Variants in CDC34 observed in about 807,000 individuals in gnomAD.
CDC34 encodes the protein ubiquitin-conjugating enzyme E2 R1.
Under a neutral mutation model 26.8 loss-of-function variants are expected in CDC34, and 18 were observed. The observed-to-expected ratio is 0.67, with a 90% CI of 0.47 to 1.00. The LOEUF (loss-of-function observed/expected upper bound fraction) is 1.00, where lower values mean the gene tolerates loss of function less well. CDC34 is among the 50% of genes least tolerant of loss of function. The pLI is 0.00. For synonymous variants in CDC34, 178 were observed against 147.5 expected, an observed-to-expected ratio of 1.21 and a Z score of -1.50; for missense variants, 280 against 334.5, an observed-to-expected ratio of 0.84 and a Z score of 1.27.
At chr19:536,677 C>T (rs933947112) in intron 3 of CDC34, 20 of 534,768 alleles carry the variant, frequency 3.7e-5, no homozygotes, top group African/African-American at 1.3e-4. Flanking sequence ...CCACGTGTGC[C>T]GCCTGGGCCT....
chr19:535,663 T>A (rs1347773164), intron 1 of CDC34, among the ~76,000 whole-genome samples, 174 bp from the exon 2 acceptor site: 2 of 152,198 alleles, frequency 1.3e-5, no homozygotes, highest in African/African-American at 4.8e-5. Flanking sequence ...TCAGGCAGCC[T>A]TCTGGGGACT....
chr19:535,239 C>G (rs983612527), intron 1 of CDC34, among the ~76,000 whole-genome samples: 1 of 152,220 alleles, frequency 6.6e-6, no homozygotes, highest in Admixed American at 6.5e-5. Flanking sequence ...TGCCAGGTTT[C>G]TGTGACCTAT....
At chr19:537,508 A>G (rs1267396202) in intron 4 of CDC34, among the ~76,000 whole-genome samples, 4 of 151,748 alleles carry the variant, frequency 2.6e-5, no homozygotes, top group African/African-American at 7.3e-5. Context: ...GCCCGTCACC[A>G]CGCCCGGCTA....
At chr19:535,599 G>A (rs1004591415) in intron 1 of CDC34, among the ~76,000 whole-genome samples, 3 of 152,200 alleles carry the variant, frequency 2.0e-5, no homozygotes, top group South Asian at 2.1e-4. Context: ...GCCGGGTCCC[G>A]GCCACCTGGA....
At chr19:534,987 C>T (rs1228480569) in intron 1 of CDC34, among the ~76,000 whole-genome samples, 2 of 152,212 alleles carry the variant, frequency 1.3e-5, no homozygotes, top group Non-Finnish European at 2.9e-5. Flanking sequence ...CCACCAGGAC[C>T]CCTGACCCAG....
intron 1 of CDC34, among the ~76,000 whole-genome samples, chr19:532,797 C>G (rs1179786526): frequency 6.6e-6 from 1 of 152,188 alleles, no homozygotes; most frequent in Admixed American, 6.5e-5. Context: ...TCGGGAAGGC[C>G]GAAGTAGGGG....
chr19:537,384 T>G (rs1173516498), intron 4 of CDC34, among the ~76,000 whole-genome samples: 1 of 151,906 alleles, frequency 6.6e-6, no homozygotes, highest in Non-Finnish European at 1.5e-5. Flanking sequence ...ACAGAGTCTC[T>G]CTCTGTCACC....
At chr19:538,197 G>GT (rs890463526) in intron 4 of CDC34, among the ~76,000 whole-genome samples, 1 of 152,262 alleles carries the variant, frequency 6.6e-6, no homozygotes, top group African/African-American at 2.4e-5. Context: ...GTGACTGACT[G>GT]TTAGTCAGGG....
intron 1 of CDC34, among the ~76,000 whole-genome samples, chr19:532,740 G>A (rs969694653): frequency 1.3e-5 from 2 of 152,226 alleles, no homozygotes; most frequent in Non-Finnish European, 2.9e-5. Context: ...AGTAGCAGCC[G>A]GCCAGGCGCC....
rs1271344912 is a variant in CDC34 at position 541,738 on chromosome 19, A to C, written c.*186A>C. 1 of 546,386 alleles carries C rather than the reference A, an allele frequency of 1.8e-6. No homozygotes were observed. The highest frequency in any genetic ancestry group is 4.1e-5 in the South Asian group (1 of 24,284). 33.8% of individuals were successfully genotyped at this position (546,386 alleles called of 1,614,324 possible). On this transcript the variant is annotated 3_prime_UTR_variant, in exon 5 of 5. Transcript: ENST00000215574. ...TGCTTCAGAGAAGAGGGGCTGCCCCACCGCCACTCACGTCACTCGGGGCTC... is the reference window on the plus strand; with the variant it reads ...TGCTTCAGAGAAGAGGGGCTGCCCCCCCGCCACTCACGTCACTCGGGGCTC...
chr19:537,205 C>T (rs1386670362), intron 4 of CDC34, 58 bp downstream of exon 4: 3 of 1,588,778 alleles, frequency 1.9e-6, no homozygotes, highest in Non-Finnish European at 2.6e-6. Context: ...TGCACCCCGG[C>T]CCCTGGTCCC....
rs201298448 is a variant in CDC34 at position 535,943 on chromosome 19, G to A, written c.264+20G>A. The A allele has an allele frequency of 4.4e-6, 7 of 1,605,724 alleles. No homozygotes were observed. In the Admixed American group the frequency reaches 1.2e-4, roughly 27 times the overall value. On this transcript the variant is annotated intron_variant, in intron 2 of 4. Coordinates refer to ENST00000215574, the MANE Select transcript of CDC34 (RefSeq NM_004359.2). ...TACGAGGTGAGCGCGGCCCCCACGG[G>A]CCTCAAGTCCTCATCCTCCGGGACC...
Position 541,379 on chromosome 19 carries a change from G to T in CDC34, c.538G>T (p.Gly180Cys), listed in dbSNP as rs1293891976. The T allele has an allele frequency of 6.2e-7, 1 of 1,607,754 alleles. No individual in the cohort carries two copies. Residue 180 changes from glycine (G) to cysteine (C), a missense_variant, in exon 5 of 5, where the codon GGC becomes TGC. Coordinates refer to ENST00000215574, the MANE Select transcript of CDC34 (RefSeq NM_004359.2). Reference protein sequence around the residue: ...LGTKVDAERDGVKVPTTLAEY... With the variant: ...LGTKVDAERDCVKVPTTLAEY... The stretch of plus-strand genomic sequence containing the variant: ...GACCAAGGTGGACGCGGAGCGTGAC[G>T]GCGTGAAGGTGCCCACCACGCTGGC...
chr19:533,756 G>A lies in CDC34; in HGVS notation c.177+1648G>A, dbSNP rs564153358. ...CCGGTTTTCCGGATTTCCCAGGGAG[G>A]GGGCCTCTAGACATCTGCCACAGGG... On this transcript the variant is annotated intron_variant, in intron 1 of 4. Coordinates refer to ENST00000215574, the MANE Select transcript of CDC34 (RefSeq NM_004359.2). Among the ~76,000 whole-genome samples the A allele has an allele frequency of 2.0e-5, 3 of 152,340 alleles. No individual in the cohort carries two copies. In the South Asian group the frequency reaches 6.2e-4, roughly 32 times the overall value.
At chr19:534,498 A>C (rs1304230521) in intron 1 of CDC34, among the ~76,000 whole-genome samples, 5 of 84,560 alleles carry the variant, frequency 5.9e-5, no homozygotes, top group Admixed American at 1.3e-4. Flanking sequence ...ACGATCCAAG[A>C]CCCCCTGAGT....
In CDC34 at chr19:537,031, G is replaced by A. The variant is rs752387358; in HGVS notation, c.381G>A (p.Val127=). 1.2e-5 allele frequency: 20 copies of A among 1,613,656 alleles called. No homozygotes were observed. Among genetic ancestry groups the A allele is most frequent in the Non-Finnish European group, 1.5e-5 (18 of 1,179,990 alleles). Residue 127 remains valine (V), a synonymous_variant, in exon 4 of 5, where the codon GTG becomes GTA. Transcript: ENST00000215574. ...TQNVRTILLS[V]ISLLNEPNTF... ...CCCACAGGACCATTCTCCTGAGTGTGATCTCCCTCCTGAACGAGCCCAACA... is the reference window on the plus strand; with the variant it reads ...CCCACAGGACCATTCTCCTGAGTGTAATCTCCCTCCTGAACGAGCCCAACA...
At chr19:536,678 G>A (rs111872830) in intron 3 of CDC34, 170 of 534,548 alleles carry the variant, frequency 3.2e-4, no homozygotes, top group African/African-American at 3.0e-3. Flanking sequence ...CACGTGTGCC[G>A]CCTGGGCCTC....
At chr19:536,209 C>G (rs777997042) in intron 2 of CDC34, 34 bp from the exon 3 acceptor site, 4 of 1,552,440 alleles carry the variant, frequency 2.6e-6, no homozygotes, top group South Asian at 1.1e-5. Context: ...GTGCTGACCT[C>G]TGACCTGTTC....
intron 1 of CDC34, among the ~76,000 whole-genome samples, chr19:533,774 C>T (rs986659567): frequency 9.2e-5 from 14 of 152,228 alleles, no homozygotes; most frequent in African/African-American, 3.4e-4. Context: ...TAGACATCTG[C>T]CACAGGGTCA....
Sources: gnomAD v4.1 joint callset for allele counts (sites outside exome capture counted in the v4.1 genomes callset) on GRCh38, gnomAD v4.1.1 for gene constraint, MANE v1.5 for transcripts, NCBI Gene and HGNC (gene_info 2026-07-23, HGNC 2026-07-21) for gene names.